DPP10: variants seen among roughly 807,000 people sequenced by gnomAD.
The protein encoded by DPP10 is dipeptidyl peptidase like 10.
DPP10 carries 33 observed loss-of-function variants against 120.9 expected under a neutral mutation model. The observed-to-expected ratio is 0.27, with a 90% CI of 0.21 to 0.37. The LOEUF is 0.37. Among genes scored for constraint, DPP10 ranks in the 10% least tolerant of loss-of-function variants. DPP10 has a pLI of 1.00. For synonymous variants in DPP10, 337 were observed against 326.1 expected, an observed-to-expected ratio of 1.03 and a Z score of -0.36; for missense variants, 816 against 942.8, an observed-to-expected ratio of 0.87 and a Z score of 1.76.
chr2:115,068,835 C>T (rs978712184), intron 1 of DPP10, among the ~76,000 whole-genome samples: 3 of 152,128 alleles, frequency 2.0e-5, no homozygotes, highest in African/African-American at 7.2e-5. Flanking sequence ...TTCCCCATTG[C>T]ATGTTCTTGT....
intron 3 of DPP10, among the ~76,000 whole-genome samples, chr2:115,491,918 C>G (rs1257424409): frequency 6.6e-6 from 1 of 152,140 alleles, no homozygotes; most frequent in East Asian, 1.9e-4. Context: ...CAGGAGGATT[C>G]TCACTAAACT....
rs182098812 is a variant in DPP10, at chr2:115,636,654, A to G, written c.442-53033A>G. Among the ~76,000 whole-genome samples, 7 of 152,204 alleles carry G rather than the reference A, an allele frequency of 4.6e-5. No individual in the cohort carries two copies. The East Asian group carries it at 1.4e-3, about 29-fold the overall frequency. ...AAAAAGTGAGAGAAATGAAGTATAT[A>G]TGGAAAGATGTTGAGAATTAGTGAT... On this transcript the variant is annotated intron_variant, in intron 5 of 25. Coordinates refer to ENST00000410059, the MANE Select transcript of DPP10 (RefSeq NM_020868.6).
intron 1 of DPP10, among the ~76,000 whole-genome samples, chr2:115,234,192 T>A (rs758356317): frequency 4.6e-5 from 7 of 152,138 alleles, no homozygotes; most frequent in Non-Finnish European, 7.4e-5. Flanking sequence ...TCAAGTTGGC[T>A]CTCTCTCCCT....
At position 115,791,305 on chromosome 2, in the gene DPP10, C is replaced by T. The variant is rs1399380307; in HGVS notation, c.1649C>T (p.Ser550Phe). The T allele has an allele frequency of 6.2e-7, 1 of 1,611,928 alleles. No homozygotes were observed. Among genetic ancestry groups the T allele is most frequent in the Non-Finnish European group, 8.5e-7 (1 of 1,179,340 alleles). The change falls in exon 19 of 26, where the codon TCC (serine) becomes TTC (phenylalanine). Residue 550 changes from serine to phenylalanine, a missense_variant. This residue lies in a region of DPP10 where 592 missense variants were observed against 649.0 expected (regional missense o/e 0.91). Coordinates refer to ENST00000410059, the MANE Select transcript of DPP10 (RefSeq NM_020868.6). Reference sequence around the variant, plus strand: ...TTAAAAGAACTTCCTTTACAGTTGTCCCTTCCCAAAGATTTTATGGACCGA... The same window carrying T: ...TTAAAAGAACTTCCTTTACAGTTGTTCCTTCCCAAAGATTTTATGGACCGA... ...IDDYELPLQL[S>F]LPKDFMDRNQ...
intron 3 of DPP10, among the ~76,000 whole-genome samples, chr2:115,372,762 G>A (rs890732836): frequency 6.6e-6 from 1 of 152,224 alleles, no homozygotes; most frequent in Non-Finnish European, 1.5e-5. Context: ...TTAGAGTAAT[G>A]TAAGCGTTGC....
chr2:114,831,841 C>G (rs1687151308), intron 1 of DPP10, among the ~76,000 whole-genome samples: 1 of 100,090 alleles, frequency 1.0e-5, no homozygotes, highest in Non-Finnish European at 2.0e-5. Flanking sequence ...CTCTTTCTCT[C>G]TCTTTAATTA....
At chr2:114,529,560 C>T (rs1573575496) in intron 1 of DPP10, among the ~76,000 whole-genome samples, 2 of 152,240 alleles carry the variant, frequency 1.3e-5, no homozygotes, top group East Asian at 3.9e-4. Flanking sequence ...CTTGAAATTG[C>T]CATGGGACCT....
chr2:114,886,431 T>C (rs547949127), intron 1 of DPP10, among the ~76,000 whole-genome samples: 1 of 152,298 alleles, frequency 6.6e-6, no homozygotes, highest in South Asian at 2.1e-4. Flanking sequence ...CATATTTTTA[T>C]CGATATGATG....
At chr2:115,619,322 G>A (rs1388184164) in intron 5 of DPP10, among the ~76,000 whole-genome samples, 6 of 151,562 alleles carry the variant, frequency 4.0e-5, no homozygotes, top group Middle Eastern at 3.4e-3. Flanking sequence ...TGATCCGCCC[G>A]CGTCGGCATC....
At chr2:114,783,873 T>C (rs1292538993) in intron 1 of DPP10, among the ~76,000 whole-genome samples, 3 of 151,944 alleles carry the variant, frequency 2.0e-5, no homozygotes, top group Non-Finnish European at 4.4e-5. Context: ...CCATCCTACC[T>C]CTTGCTCTAG....
chr2:114,607,677 G>A (rs1011392379), intron 1 of DPP10, among the ~76,000 whole-genome samples: 4 of 152,150 alleles, frequency 2.6e-5, no homozygotes, highest in African/African-American at 9.7e-5. Flanking sequence ...CTTTCAGTCT[G>A]TCCTCATAGT....
intron 19 of DPP10, among the ~76,000 whole-genome samples, chr2:115,808,340 G>A (rs527884778): frequency 4.5e-4 from 69 of 152,272 alleles, no homozygotes; most frequent in Non-Finnish European, 7.9e-4. Flanking sequence ...CCTGAGAAAC[G>A]ATGTTCTTGA....
At chr2:115,247,348 TG>T (rs1192448551) in intron 1 of DPP10, among the ~76,000 whole-genome samples, 1 of 152,134 alleles carries the variant, frequency 6.6e-6, no homozygotes, top group Non-Finnish European at 1.5e-5. Context: ...GTTACACTTG[TG>T]GGAGGGAATG....
intron 1 of DPP10, among the ~76,000 whole-genome samples, chr2:115,169,493 G>C (rs1309494730): frequency 6.6e-6 from 1 of 152,060 alleles, no homozygotes; most frequent in Non-Finnish European, 1.5e-5. Context: ...TTTATAGGTA[G>C]ATTATTATAG....
chr2:115,161,955 C>T lies in DPP10; in HGVS notation c.61-147284C>T, dbSNP rs564631625. 1.3e-4 allele frequency: 185 copies of T among 1,434,890 alleles called. No homozygotes were observed. The African/African-American group carries it at 2.5e-3, about 20-fold the overall frequency. The allele number at this position is 1,434,890 out of a possible 1,614,324, so 88.9% of individuals were successfully genotyped here. A position where few individuals can be genotyped will look rare whatever the true frequency, so the allele number is the denominator to read the frequency against. ...AGCGAGCGCCAGCGCGGGCCGCCGG[C>T]GATGACGGCCGCGAAGCAGGAGCCG... is the stretch of plus-strand genomic sequence containing the variant. On this transcript the variant is annotated intron_variant, in intron 1 of 25. Coordinates refer to ENST00000410059, the MANE Select transcript of DPP10 (RefSeq NM_020868.6).
At position 114,442,740 on chromosome 2, in the gene DPP10, A is replaced by G. The variant is rs1677726208; in HGVS notation, c.-39A>G. On this transcript the variant is annotated 5_prime_UTR_variant, in exon 1 of 26. Coordinates refer to ENST00000410059, the MANE Select transcript of DPP10 (RefSeq NM_020868.6). The stretch of plus-strand genomic sequence containing the variant: ...GACTTGATCTCTAGTTCATTCTGGA[A>G]CTCCGCCTGGGATTGTGCACTGTCC... 1.9e-6 allele frequency: 3 copies of G among 1,611,876 alleles called. No homozygotes were observed. Among genetic ancestry groups the G allele is most frequent in the South Asian group, 1.1e-5 (1 of 90,818 alleles).
chr2:114,483,767 C>T (rs1395674834), intron 1 of DPP10, among the ~76,000 whole-genome samples: 1 of 152,114 alleles, frequency 6.6e-6, no homozygotes, highest in Non-Finnish European at 1.5e-5. Flanking sequence ...GCCTTGTTAA[C>T]CAGCACATGC....
chr2:115,585,242 A>G (rs897864959), intron 5 of DPP10, among the ~76,000 whole-genome samples: 1 of 152,158 alleles, frequency 6.6e-6, no homozygotes, highest in African/African-American at 2.4e-5. Flanking sequence ...TCAGTTTAGG[A>G]TTTCTATTAA....
At chr2:115,711,690 A>G (rs1265535369) in intron 7 of DPP10, among the ~76,000 whole-genome samples, 1 of 152,192 alleles carries the variant, frequency 6.6e-6, no homozygotes, top group Admixed American at 6.5e-5. Flanking sequence ...AGATAAAGGT[A>G]TCAGAAATAA....
Sources: gnomAD v4.1 joint callset for allele counts (sites outside exome capture counted in the v4.1 genomes callset) on GRCh38, gnomAD v4.1.1 for gene constraint, gnomAD v4.1.1 regional missense constraint, MANE v1.5 for transcripts, NCBI Gene and HGNC (gene_info 2026-07-23, HGNC 2026-07-21) for gene names.